The following NGEF variants were observed in gnomAD, a reference collection of about 807,000 sequenced individuals.
NGEF encodes neuronal guanine nucleotide exchange factor.
Under a neutral mutation model 80.9 loss-of-function variants are expected in NGEF, and 31 were observed. The observed-to-expected ratio is 0.38, with a 90% CI of 0.29 to 0.52. The LOEUF (loss-of-function observed/expected upper bound fraction) is 0.52, where lower values mean the gene tolerates loss of function less well. Ranked by LOEUF, NGEF falls within the 20% of genes least tolerant of loss-of-function variation. NGEF has a pLI of 0.84. For synonymous variants in NGEF, 371 were observed against 370.2 expected, an observed-to-expected ratio of 1.00 and a Z score of -0.03; for missense variants, 709 against 926.2, an observed-to-expected ratio of 0.77 and a Z score of 3.04.
At chr2:232,925,790 G>C (rs1559211095) in intron 4 of NGEF, among the ~76,000 whole-genome samples, 1 of 152,198 alleles carries the variant, frequency 6.6e-6, no homozygotes, top group Non-Finnish European at 1.5e-5. Flanking sequence ...AGGGGCCTTT[G>C]TTTTAAAATA....
At chr2:232,957,321 C>T (rs146614038) in intron 3 of NGEF, among the ~76,000 whole-genome samples, 1 of 151,918 alleles carries the variant, frequency 6.6e-6, no homozygotes, top group East Asian at 1.9e-4. Context: ...ATTACTACTA[C>T]TAATAATTAT....
At chr2:232,927,335 C>T in intron 3 of NGEF, 149 bp from the exon 4 acceptor site, 1 of 819,460 alleles carries the variant, frequency 1.2e-6, no homozygotes, top group South Asian at 2.5e-5. Flanking sequence ...CCAGCGCCGC[C>T]CCTCCCGGCC....
intron 6 of NGEF, 104 bp downstream of exon 6, chr2:232,894,652 G>C (rs895431): frequency 0.69 from 739,275 of 1,067,460 alleles, 258,065 homozygotes; most frequent in East Asian, 0.79. Flanking sequence ...CAAACATCTG[G>C]AAGTAGAGAA....
intron 1 of NGEF, among the ~76,000 whole-genome samples, chr2:232,980,407 T>C (rs888451776): frequency 6.6e-5 from 10 of 151,938 alleles, no homozygotes; most frequent in African/African-American, 2.4e-4. Flanking sequence ...CTAGACTGGA[T>C]CTCATCCAAG....
In NGEF at chr2:232,996,040, A is replaced by G. The variant is rs138462980; in HGVS notation, c.-75+17028T>C. Among the ~76,000 whole-genome samples the G allele has an allele frequency of 2.5e-3, 384 of 152,084 alleles. 3 individuals are homozygous for G. The highest frequency in any genetic ancestry group is 8.1e-3 in the African/African-American group (334 of 41,448). ...AAGACTCTAGTGTGGATGGGCTCAA[A>G]CTTCCCTAAGCTTCCTGGCAGTCAA... On this transcript the variant is annotated intron_variant, in intron 1 of 14. Transcript: ENST00000264051.
intron 3 of NGEF, among the ~76,000 whole-genome samples, chr2:232,955,720 T>C (rs1200302384): frequency 2.0e-5 from 3 of 152,180 alleles, no homozygotes; most frequent in Non-Finnish European, 2.9e-5. Flanking sequence ...GGTTTCACCA[T>C]GTTGGCCAGG....
intron 3 of NGEF, among the ~76,000 whole-genome samples, chr2:232,954,065 C>T (rs6710472): frequency 0.015 from 2,307 of 152,158 alleles, 59 homozygotes; most frequent in African/African-American, 0.053. Context: ...ATAACAGAGC[C>T]GAATGTCTAC....
intron 1 of NGEF, among the ~76,000 whole-genome samples, chr2:232,995,497 A>T (rs1459645335): frequency 3.6e-4 from 1 of 2,790 alleles, no homozygotes; most frequent in Non-Finnish European, 6.6e-4. Context: ...ATGTATACTG[A>T]CAGTATACAT....
chr2:232,880,847 GCCAGGGGAGGGGGACACGAAGCCA>G (rs1691477996), intron 14 of NGEF, among the ~76,000 whole-genome samples: 1 of 152,014 alleles, frequency 6.6e-6, no homozygotes, highest in Admixed American at 6.5e-5. Context: ...TGAGGCCAGG[GCCAGGGGAGGGGGACACGAAGCCA>G]CCCGCTTGGG....
intron 1 of NGEF, among the ~76,000 whole-genome samples, chr2:233,012,275 G>C (rs996576288): frequency 2.6e-5 from 4 of 152,230 alleles, no homozygotes; most frequent in Non-Finnish European, 4.4e-5. Context: ...CACAGCCAGA[G>C]ACTGTGTGAC....
intron 1 of NGEF, among the ~76,000 whole-genome samples, chr2:232,997,964 C>T (rs997981421): frequency 6.6e-6 from 1 of 152,198 alleles, no homozygotes; most frequent in African/African-American, 2.4e-5. Flanking sequence ...GGGAAACGTG[C>T]CCCGATAGGA....
At chr2:232,934,393 T>A (rs1041210177) in intron 3 of NGEF, among the ~76,000 whole-genome samples, 13 of 48,284 alleles carry the variant, frequency 2.7e-4, no homozygotes, top group African/African-American at 1.2e-3. Context: ...AAGAGGAAGA[T>A]TCTTTTTTTT....
At chr2:232,883,871 A>G (rs964868342) in intron 11 of NGEF, 110 bp downstream of exon 11, 7 of 1,181,892 alleles carry the variant, frequency 5.9e-6, no homozygotes, top group Non-Finnish European at 8.1e-6. Flanking sequence ...ACCTGACCGA[A>G]GAGCCCAAGC....
intron 3 of NGEF, 137 bp from the exon 4 acceptor site, chr2:232,927,323 A>T: frequency 2.2e-6 from 2 of 912,402 alleles, no homozygotes; most frequent in Non-Finnish European, 3.0e-6. Context: ...CAGCGGCCGC[A>T]GCCAGCGCCG....
At chr2:232,907,831 G>A (rs1210667942) in intron 5 of NGEF, among the ~76,000 whole-genome samples, 2 of 152,008 alleles carry the variant, frequency 1.3e-5, no homozygotes, top group Non-Finnish European at 1.5e-5. Context: ...TCTTTGGGCC[G>A]GGCACGGTGG....
chr2:233,006,716 A>G (rs1486181500), intron 1 of NGEF, among the ~76,000 whole-genome samples: 1 of 152,218 alleles, frequency 6.6e-6, no homozygotes, highest in Non-Finnish European at 1.5e-5. Flanking sequence ...CTTTCTGTGC[A>G]CCATCTCATT....
rs772821683 is a variant in NGEF, at chr2:232,913,511, C to G, written c.828+6773G>C. ...TTGGGTTGATGGTGGCCGATTCTTC[C>G]ATAACCTTACAGATGTTATGTCTCC... On this transcript the variant is annotated intron_variant, in intron 5 of 14. Coordinates refer to ENST00000264051, the MANE Select transcript of NGEF (RefSeq NM_019850.3). Among the ~76,000 whole-genome samples, 158 of 152,324 alleles carry G rather than the reference C, an allele frequency of 1.0e-3. 2 individuals carry two copies. The highest frequency in any genetic ancestry group is 4.4e-4 in the Non-Finnish European group (30 of 68,030).
At chr2:232,993,357 G>C (rs1694713208) in intron 1 of NGEF, among the ~76,000 whole-genome samples, 1 of 150,716 alleles carries the variant, frequency 6.6e-6, no homozygotes, top group African/African-American at 2.4e-5. Flanking sequence ...GCAAATAAAA[G>C]CCACAATGAG....
intron 4 of NGEF, among the ~76,000 whole-genome samples, chr2:232,926,327 T>C (rs1177337362): frequency 7.7e-6 from 1 of 129,744 alleles, no homozygotes; most frequent in Non-Finnish European, 1.7e-5. Context: ...ACTAGCTTGA[T>C]GTCACTAGCG....
Sources: gnomAD v4.1 joint callset for allele counts (sites outside exome capture counted in the v4.1 genomes callset) on GRCh38, gnomAD v4.1.1 for gene constraint, MANE v1.5 for transcripts, NCBI Gene and HGNC (gene_info 2026-07-23, HGNC 2026-07-21) for gene names.